Variants in ZCCHC17 observed in about 807,000 individuals in gnomAD.
ZCCHC17 encodes zinc finger CCHC domain-containing protein 17.
A neutral mutation model predicts 30.6 loss-of-function variants in ZCCHC17; 18 were observed. The ratio of observed to expected loss-of-function variants is 0.59; its 90% CI spans 0.41 to 0.87. The LOEUF is 0.87. Among genes scored for constraint, ZCCHC17 ranks in the 40% least tolerant of loss-of-function variants. The pLI is 0.00. For missense variants in ZCCHC17, 263 were observed against 284.2 expected, an observed-to-expected ratio of 0.93 and a Z score of 0.54; for synonymous variants, 88 against 92.4, an observed-to-expected ratio of 0.95 and a Z score of 0.27.
At chr1:31,361,120 G>A (rs886558265) in intron 7 of ZCCHC17, among the ~76,000 whole-genome samples, 2 of 152,208 alleles carry the variant, frequency 1.3e-5, no homozygotes, top group Non-Finnish European at 2.9e-5. Context: ...CATCCAGGAA[G>A]GTTCAGCAAC....
At chr1:31,302,502 A>T (rs534611495) in intron 1 of ZCCHC17, among the ~76,000 whole-genome samples, 1 of 152,312 alleles carries the variant, frequency 6.6e-6, no homozygotes, top group South Asian at 2.1e-4. Context: ...TAGCTCTTCC[A>T]TGAATGATAT....
chr1:31,299,054 C>T (rs1417066616), intron 1 of ZCCHC17, among the ~76,000 whole-genome samples: 1 of 152,060 alleles, frequency 6.6e-6, no homozygotes, highest in African/African-American at 2.4e-5. Context: ...TCACAGTAAC[C>T]TTAGCAAGAG....
At chr1:31,348,013 G>A (rs990386316) in intron 6 of ZCCHC17, among the ~76,000 whole-genome samples, 1 of 103,998 alleles carries the variant, frequency 9.6e-6, no homozygotes, top group Non-Finnish European at 2.4e-5. Flanking sequence ...ATCTGTTAAA[G>A]GGCCCCTCAG....
At chr1:31,310,304 A>G (rs78423071) in intron 2 of ZCCHC17, 140 bp downstream of exon 2, 11,310 of 710,988 alleles carry the variant, frequency 0.016, 606 homozygotes, top group East Asian at 0.14. Context: ...AACATCTGGC[A>G]ATCACATGTG....
At chr1:31,325,592 G>A (rs1476781531) in intron 3 of ZCCHC17, among the ~76,000 whole-genome samples, 1 of 152,204 alleles carries the variant, frequency 6.6e-6, no homozygotes, top group East Asian at 1.9e-4. Context: ...CACAGTGGCT[G>A]GACCCCATGC....
intron 3 of ZCCHC17, 42 bp downstream of exon 3, chr1:31,319,208 C>G (rs374148883): frequency 2.0e-6 from 3 of 1,531,802 alleles, no homozygotes; most frequent in African/African-American, 1.4e-5. Context: ...TGATTCTACT[C>G]TCTGCTAACA....
chr1:31,337,030 C>T (rs746343218), intron 3 of ZCCHC17, 145 bp from the exon 4 acceptor site: 57 of 638,266 alleles, frequency 8.9e-5, no homozygotes, highest in Admixed American at 9.6e-5. Flanking sequence ...AAAGCAGTCT[C>T]AATTTGCAGT....
chr1:31,298,572 A>G (rs952812154), intron 1 of ZCCHC17, among the ~76,000 whole-genome samples: 1 of 152,114 alleles, frequency 6.6e-6, no homozygotes, highest in East Asian at 1.9e-4. Context: ...TTTGGTGGAG[A>G]TGGGGTTCCA....
chr1:31,357,329 C>T lies in ZCCHC17; in HGVS notation c.565-6703C>T, dbSNP rs553025243. 2.3e-3 allele frequency among the ~76,000 whole-genome samples: 349 copies of T among 152,268 alleles called. 1 individual carries two copies. The highest frequency in any genetic ancestry group is 4.1e-3 in the Non-Finnish European group (276 of 68,024). ...CAGCAGAGAGCGTTGCCCAGTGTTG[C>T]CTACTCAGAAGCCTTCAGTGGTTCG... On this transcript the variant is annotated intron_variant, in intron 7 of 7. Coordinates refer to ENST00000344147, the MANE Select transcript of ZCCHC17 (RefSeq NM_016505.4).
chr1:31,339,655 C>T (rs932813041), intron 5 of ZCCHC17, among the ~76,000 whole-genome samples: 1 of 152,198 alleles, frequency 6.6e-6, no homozygotes, highest in Non-Finnish European at 1.5e-5. Flanking sequence ...TCTGTTTCTG[C>T]CCTTTAACGA....
chr1:31,357,778 G>A (rs1291119742), intron 7 of ZCCHC17, among the ~76,000 whole-genome samples: 10 of 147,954 alleles, frequency 6.8e-5, no homozygotes, highest in South Asian at 4.3e-4. Context: ...TTTTTGAGAC[G>A]GAGTTTCACT....
chr1:31,323,098 C>T (rs1353304529), intron 3 of ZCCHC17, among the ~76,000 whole-genome samples: 2 of 152,174 alleles, frequency 1.3e-5, no homozygotes, highest in Non-Finnish European at 2.9e-5. Flanking sequence ...CCACAGTAGT[C>T]ACCTCATTAA....
chr1:31,337,107 T>C (rs1638849980), intron 3 of ZCCHC17, 68 bp from the exon 4 acceptor site: 3 of 1,422,632 alleles, frequency 2.1e-6, no homozygotes, highest in Admixed American at 4.1e-5. Flanking sequence ...CTTACCTTCT[T>C]ATCCAGTTTA....
intron 1 of ZCCHC17, among the ~76,000 whole-genome samples, chr1:31,301,407 AT>A (rs777690849): frequency 5.3e-5 from 8 of 152,238 alleles, no homozygotes; most frequent in Non-Finnish European, 7.3e-5. Context: ...TTGTGTCCTC[AT>A]TTTTAAAATG....
intron 2 of ZCCHC17, among the ~76,000 whole-genome samples, chr1:31,312,295 C>T (rs1646624188): frequency 6.6e-6 from 1 of 152,108 alleles, no homozygotes; most frequent in Non-Finnish European, 1.5e-5. Flanking sequence ...TGTTTAATGT[C>T]TATCTTCCTC....
In ZCCHC17 at chr1:31,348,815, C is replaced by T; in HGVS notation, c.419-14C>T. Reference sequence around the variant, plus strand: ...ACTTCCTTTTTCTATACCTTTTCTACTTTTCTTCTGCAGGCCACTTTGCAA... The same window carrying T: ...ACTTCCTTTTTCTATACCTTTTCTATTTTTCTTCTGCAGGCCACTTTGCAA... On this transcript the variant is annotated splice_polypyrimidine_tract_variant and intron_variant, in intron 6 of 7. Coordinates refer to ENST00000344147, the MANE Select transcript of ZCCHC17 (RefSeq NM_016505.4). 6.2e-7 allele frequency: 1 copy of T among 1,612,182 alleles called. No homozygotes were observed. Among genetic ancestry groups the T allele is most frequent in the Non-Finnish European group, 8.5e-7 (1 of 1,179,978 alleles).
chr1:31,357,817 G>A (rs1371198373), intron 7 of ZCCHC17, among the ~76,000 whole-genome samples: 1 of 150,202 alleles, frequency 6.7e-6, no homozygotes, highest in African/African-American at 2.5e-5. Context: ...GTGCAATGGT[G>A]CGATCTCAGC....
intron 5 of ZCCHC17, among the ~76,000 whole-genome samples, chr1:31,341,342 T>C (rs1477769219): frequency 6.6e-6 from 1 of 152,218 alleles, no homozygotes; most frequent in African/African-American, 2.4e-5. Context: ...ATTCTGATGA[T>C]TGCATTGTAA....
At chr1:31,339,545 C>T (rs1372145406) in intron 5 of ZCCHC17, among the ~76,000 whole-genome samples, 1 of 152,122 alleles carries the variant, frequency 6.6e-6, no homozygotes, top group African/African-American at 2.4e-5. Context: ...AAATAGTTAA[C>T]ACCTTGCTGC....
Sources: gnomAD v4.1 joint callset for allele counts (sites outside exome capture counted in the v4.1 genomes callset) on GRCh38, gnomAD v4.1.1 for gene constraint, MANE v1.5 for transcripts, NCBI Gene and HGNC (gene_info 2026-07-23, HGNC 2026-07-21) for gene names.